Variants in CEMIP2 observed in about 807,000 individuals in gnomAD.
CEMIP2 encodes cell surface hyaluronidase CEMIP2.
In CEMIP2, 79 loss-of-function variants were observed where a neutral mutation model predicts 146.9. The observed-to-expected ratio is 0.54, with a 90% CI of 0.45 to 0.65. CEMIP2 has a LOEUF of 0.65. Ranked by LOEUF, CEMIP2 falls within the 30% of genes least tolerant of loss-of-function variation. The pLI, the probability that CEMIP2 is intolerant of heterozygous loss-of-function variation, is 0.00. For synonymous variants in CEMIP2, 601 were observed against 606.3 expected, an observed-to-expected ratio of 0.99 and a Z score of 0.13; for missense variants, 1,596 against 1,696.2, an observed-to-expected ratio of 0.94 and a Z score of 1.04.
intron 21 of CEMIP2, among the ~76,000 whole-genome samples, chr9:71,691,202 G>A (rs1463366258): frequency 2.0e-5 from 3 of 152,152 alleles, no homozygotes; most frequent in African/African-American, 7.2e-5. Flanking sequence ...GGAGGTTGAG[G>A]TGGGTGAATC....
intron 20 of CEMIP2, among the ~76,000 whole-genome samples, chr9:71,697,103 T>G (rs1331135454): frequency 6.6e-6 from 1 of 152,204 alleles, no homozygotes; most frequent in Non-Finnish European, 1.5e-5. Flanking sequence ...TAAAATAGAT[T>G]GCCAGGCCGC....
rs1339177566 is a variant in CEMIP2 at position 71,732,461 on chromosome 9, C to A, written c.1453G>T (p.Val485Phe). ...IIDGVDMRAE[V>F]GILTRNIVIQ... is the part of the protein sequence containing the mutation. ...ACAATATTCCGGGTAAGAATTCCAACCTCAGCTCTCATGTCTACACCGTCT... is the reference window on the plus strand; with the variant it reads ...ACAATATTCCGGGTAAGAATTCCAAACTCAGCTCTCATGTCTACACCGTCT... Residue 485 changes from valine to phenylalanine, a missense_variant, in exon 7 of 24, where the codon GTT becomes TTT. By Grantham distance (50) the Val-to-Phe change is conservative. Transcript: ENST00000377044. 3 of 1,614,020 alleles carry A rather than the reference C, an allele frequency of 1.9e-6. No homozygotes were observed. The highest frequency in any genetic ancestry group is 1.7e-6 in the Non-Finnish European group (2 of 1,180,002).
chr9:71,715,864 G>A (rs76841916), intron 14 of CEMIP2, among the ~76,000 whole-genome samples: 6,897 of 151,600 alleles, frequency 0.045, 216 homozygotes, highest in South Asian at 0.069. Flanking sequence ...GGCTTTGAGC[G>A]ATCCTCCTGT....
At chr9:71,731,137 A>C (rs1270774542) in intron 7 of CEMIP2, among the ~76,000 whole-genome samples, 1 of 152,242 alleles carries the variant, frequency 6.6e-6, no homozygotes. Flanking sequence ...TTAGGAATAA[A>C]GGCAAATGTA....
chr9:71,748,180 TTTAA>T (rs1254055160), intron 2 of CEMIP2, among the ~76,000 whole-genome samples: 1 of 152,182 alleles, frequency 6.6e-6, no homozygotes, highest in Non-Finnish European at 1.5e-5. Context: ...CTTAATTGTT[TTTAA>T]TTATTTCCCA....
intron 10 of CEMIP2, among the ~76,000 whole-genome samples, chr9:71,729,620 G>GA (rs201829829): frequency 0.082 from 10,612 of 129,876 alleles, 528 homozygotes; most frequent in South Asian, 0.2. Context: ...TCTGTCTCGA[G>GA]AAAAAAAAAA....
At chr9:71,693,164 C>T (rs1212049691) in intron 21 of CEMIP2, among the ~76,000 whole-genome samples, 4 of 152,140 alleles carry the variant, frequency 2.6e-5, no homozygotes, top group African/African-American at 9.7e-5. Flanking sequence ...ATTTTCTCCA[C>T]ATATATGTGG....
intron 1 of CEMIP2, among the ~76,000 whole-genome samples, chr9:71,764,530 A>T (rs932539741): frequency 4.6e-5 from 7 of 152,150 alleles, no homozygotes; most frequent in African/African-American, 1.7e-4. Context: ...CTGGGTCCCA[A>T]CTTCCTTGTT....
At position 71,700,697 on chromosome 9, in the gene CEMIP2, C is replaced by T. The variant is rs1191679634; in HGVS notation, c.3322G>A (p.Glu1108Lys). 1 of 1,612,038 alleles carries T rather than the reference C, an allele frequency of 6.2e-7. No homozygotes were observed. Among genetic ancestry groups the T allele is most frequent in the East Asian group, 2.2e-5 (1 of 44,752 alleles). ...IEEYEPVHSL[E>K]ELQRKQSERK... The stretch of plus-strand genomic sequence containing the variant: ...TCGGATTGCTTTCTTTGCAGTTCTT[C>T]CAGTGAATGCACAGGCTCATATTCT... The change falls in exon 19 of 24, where the codon GAA becomes AAA. Residue 1108 changes from glutamate (E) to lysine (K), a missense_variant. Coordinates refer to ENST00000377044, the MANE Select transcript of CEMIP2 (RefSeq NM_013390.3).
intron 5 of CEMIP2, among the ~76,000 whole-genome samples, chr9:71,739,238 C>T: frequency 6.6e-6 from 1 of 151,236 alleles, no homozygotes; most frequent in South Asian, 2.1e-4. Context: ...GTAATTATCC[C>T]CTGTCTAGAA....
chr9:71,728,425 T>C (rs1175372350), intron 10 of CEMIP2, among the ~76,000 whole-genome samples: 1 of 147,066 alleles, frequency 6.8e-6, no homozygotes, highest in African/African-American at 2.5e-5. Flanking sequence ...GAGGGTGCAG[T>C]AAGCCAAGGT....
rs1823591653 is a variant in CEMIP2 at position 71,730,756 on chromosome 9, A to G, written c.1722T>C (p.Ile574=). 2 of 1,614,144 alleles carry G rather than the reference A, an allele frequency of 1.2e-6. No individual in the cohort carries two copies. The highest frequency in any genetic ancestry group is 1.1e-5 in the South Asian group (1 of 91,090). ...TGATGCACCTTGAGAAGCTGTGATGAATAGACAGGCCGTCCACAAATGTTG... is the reference window on the plus strand; with the variant it reads ...TGATGCACCTTGAGAAGCTGTGATGGATAGACAGGCCGTCCACAAATGTTG... ...RHATFVDGLS[I]HHSFSRCITV... Residue 574 remains isoleucine, a synonymous_variant, in exon 8 of 24, where the codon ATT becomes ATC. Transcript: ENST00000377044.
intron 22 of CEMIP2, among the ~76,000 whole-genome samples, chr9:71,687,822 C>A (rs186867487): frequency 6.6e-6 from 1 of 152,240 alleles, no homozygotes; most frequent in Admixed American, 6.5e-5. Context: ...GCTGTGGACA[C>A]ATCACTGCAC....
intron 6 of CEMIP2, among the ~76,000 whole-genome samples, chr9:71,732,859 T>C (rs1823661149): frequency 6.6e-6 from 1 of 151,850 alleles, no homozygotes; most frequent in Non-Finnish European, 1.5e-5. Context: ...GATCATCTAG[T>C]CCAGCCCCCA....
At chr9:71,729,788 A>C in intron 10 of CEMIP2, 57 bp downstream of exon 10, 1 of 1,538,196 alleles carries the variant, frequency 6.5e-7, no homozygotes. Flanking sequence ...AATAAACCAG[A>C]CTATTTATAA....
chr9:71,700,854 T>G, intron 18 of CEMIP2, 30 bp from the exon 19 acceptor site: 1 of 1,581,276 alleles, frequency 6.3e-7, no homozygotes, highest in Non-Finnish European at 8.6e-7. Flanking sequence ...AAAAATTAGT[T>G]TACACTTCAG....
chr9:71,740,297 G>A, intron 4 of CEMIP2, 65 bp from the exon 5 acceptor site: 1 of 1,569,250 alleles, frequency 6.4e-7, no homozygotes, highest in African/African-American at 1.4e-5. Context: ...CCCTGACAAA[G>A]ATGTTATTAC....
intron 10 of CEMIP2, among the ~76,000 whole-genome samples, chr9:71,729,049 A>G (rs1453327638): frequency 6.6e-6 from 1 of 151,812 alleles, no homozygotes; most frequent in African/African-American, 2.4e-5. Context: ...CATGTTGCCC[A>G]GGCTGGTCTC....
Position 71,694,615 on chromosome 9 carries a change from GAGA to G in CEMIP2, c.3598-11_3598-9del. 1.3e-6 allele frequency: 2 copies of G among 1,592,120 alleles called. No homozygotes were observed. Among genetic ancestry groups the G allele is most frequent in the Non-Finnish European group, 1.7e-6 (2 of 1,160,394 alleles). On this transcript the variant is annotated splice_polypyrimidine_tract_variant and intron_variant, in intron 20 of 23. Coordinates refer to ENST00000377044, the MANE Select transcript of CEMIP2 (RefSeq NM_013390.3). Reference sequence around the variant, plus strand: ...ATCACTAGTAAACACCACCTAGACAGAGAAGAAGTTCCATATTTATGGCAACTC... The same window carrying G: ...ATCACTAGTAAACACCACCTAGACAGAGAAGTTCCATATTTATGGCAACTC...
Sources: allele counts gnomAD v4.1 joint callset (sites outside exome capture counted in the v4.1 genomes callset), GRCh38; gene constraint gnomAD v4.1.1; transcripts MANE v1.5; gene names NCBI Gene and HGNC (gene_info 2026-07-23, HGNC 2026-07-21).